The following KDM6A variants were observed in gnomAD, a reference collection of about 807,000 sequenced individuals.
KDM6A encodes lysine demethylase 6A.
Under a neutral mutation model 117.6 loss-of-function variants are expected in KDM6A, and 11 were observed. The ratio of observed to expected loss-of-function variants is 0.09; its 90% CI spans 0.06 to 0.15. The LOEUF (loss-of-function observed/expected upper bound fraction) is 0.15. Among genes scored for constraint, KDM6A ranks in the 10% least tolerant of loss-of-function variants. KDM6A has a pLI of 1.00. For missense variants in KDM6A, 799 were observed against 1,077.3 expected (o/e 0.74, Z 3.62); for synonymous variants, 384 against 396.1 (o/e 0.97, Z 0.36).
intron 5 of KDM6A, among the ~76,000 whole-genome samples, chrX:45,018,400 C>T (rs1325850084): frequency 9.0e-6 from 1 of 111,533 alleles, no homozygotes; most frequent in African/African-American, 3.3e-5. Context: ...TTATTTGGAA[C>T]ATGTGTTTTT....
intron 6 of KDM6A, among the ~76,000 whole-genome samples, chrX:45,034,211 A>T (rs778452024): frequency 1.8e-5 from 2 of 111,460 alleles, no homozygotes; most frequent in Non-Finnish European, 3.8e-5. Flanking sequence ...ATTAAATGTC[A>T]CCCAGTGTTC....
chrX:44,958,287 A>G (rs2038458398), intron 2 of KDM6A, among the ~76,000 whole-genome samples: 1 of 108,312 alleles, frequency 9.2e-6, no homozygotes, highest in South Asian at 4.2e-4. Flanking sequence ...GGTTCAAGCA[A>G]TTCTCTTGCC....
chrX:45,080,663 C>T (rs765854360), intron 21 of KDM6A, among the ~76,000 whole-genome samples: 2 of 111,769 alleles, frequency 1.8e-5, no homozygotes, highest in African/African-American at 6.5e-5. Flanking sequence ...TTCCCCCTGC[C>T]GCTCCCTATA....
intron 2 of KDM6A, among the ~76,000 whole-genome samples, chrX:44,916,584 C>G (rs1305569845): frequency 1.8e-5 from 2 of 111,171 alleles, no homozygotes; most frequent in African/African-American, 6.5e-5. Flanking sequence ...TCCCTCACTG[C>G]TATATACTTT....
At chrX:44,918,027 C>T (rs1481661390) in intron 2 of KDM6A, among the ~76,000 whole-genome samples, 2 of 111,524 alleles carry the variant, frequency 1.8e-5, no homozygotes, top group Non-Finnish European at 3.8e-5. Flanking sequence ...AATGGCTTTT[C>T]TTTGTGACTT....
At chrX:44,916,816 T>A (rs2035589329) in intron 2 of KDM6A, among the ~76,000 whole-genome samples, 1 of 108,572 alleles carries the variant, frequency 9.2e-6, no homozygotes, top group Admixed American at 9.9e-5. Context: ...TGACTAATTT[T>A]AAAATTTTTT....
At chrX:45,030,453 C>G (rs2042554466) in intron 6 of KDM6A, among the ~76,000 whole-genome samples, 1 of 108,018 alleles carries the variant, frequency 9.3e-6, no homozygotes, top group Non-Finnish European at 1.9e-5. Context: ...GTTGTAATAA[C>G]CTTGTATTAC....
intron 21 of KDM6A, among the ~76,000 whole-genome samples, chrX:45,080,388 C>G (rs769119780): frequency 2.7e-5 from 3 of 111,977 alleles, no homozygotes; most frequent in Admixed American, 1.9e-4. Flanking sequence ...CAAAAATCCT[C>G]TAGCACTATA....
chrX:45,019,563 T>G (rs1416995999), intron 5 of KDM6A, among the ~76,000 whole-genome samples: 1 of 112,193 alleles, frequency 8.9e-6, no homozygotes, highest in Admixed American at 9.5e-5. Flanking sequence ...AACTATTTTA[T>G]ACAAAAGATT....
intron 4 of KDM6A, among the ~76,000 whole-genome samples, chrX:45,008,987 G>T (rs1303768341): frequency 1.5e-4 from 17 of 111,536 alleles, no homozygotes. Context: ...AAGATACTTA[G>T]AATTCAAAGG....
At chrX:45,055,477 C>T (rs2044033029) in intron 10 of KDM6A, among the ~76,000 whole-genome samples, 1 of 111,308 alleles carries the variant, frequency 9.0e-6, no homozygotes, top group Non-Finnish European at 1.9e-5. Flanking sequence ...TAATCCCTCC[C>T]CAGGCTTATA....
chrX:44,933,697 C>G (rs780969557), intron 2 of KDM6A, among the ~76,000 whole-genome samples: 1 of 111,059 alleles, frequency 9.0e-6, no homozygotes, highest in South Asian at 3.8e-4. Context: ...CGTGCCTCAG[C>G]CTCCCAAGTA....
chrX:45,097,597 TATG>T (rs2046165478), intron 27 of KDM6A, among the ~76,000 whole-genome samples: 1 of 111,557 alleles, frequency 9.0e-6, no homozygotes, highest in African/African-American at 3.3e-5. Context: ...AATAAGGGAT[TATG>T]AACCTGTATT....
chrX:45,040,293 C>T (rs1201150903), intron 8 of KDM6A, among the ~76,000 whole-genome samples: 4 of 99,778 alleles, frequency 4.0e-5, no homozygotes, highest in Non-Finnish European at 8.2e-5. Context: ...ACCTCCCTCC[C>T]GGACGGGGCG....
chrX:45,086,021 A>G, intron 25 of KDM6A, 42 bp downstream of exon 25: 1 of 832,024 alleles, frequency 1.2e-6, no homozygotes, highest in East Asian at 3.2e-5. Flanking sequence ...TATATTAGAA[A>G]GCAGTAATTG....
chrX:44,874,051 G>A, intron 2 of KDM6A, 64 bp downstream of exon 2: 1 of 1,056,695 alleles, frequency 9.5e-7, no homozygotes, highest in Non-Finnish European at 1.3e-6. Flanking sequence ...CTCGCCCCGG[G>A]CCCCGCGGCC....
chrX:44,913,298 G>GTT (rs11449898), intron 2 of KDM6A, among the ~76,000 whole-genome samples: 1,098 of 86,364 alleles, frequency 0.013, 34 homozygotes, highest in African/African-American at 0.032. Flanking sequence ...TGTGTTAACT[G>GTT]TTTTTTTTTT....
At chrX:44,933,822 C>T (rs895581989) in intron 2 of KDM6A, among the ~76,000 whole-genome samples, 1 of 111,469 alleles carries the variant, frequency 9.0e-6, no homozygotes, top group Non-Finnish European at 1.9e-5. Flanking sequence ...AAGTGATCCG[C>T]CTACCTCTGC....
At chrX:45,071,672 TTACAC>T (rs1170395950) in intron 18 of KDM6A, among the ~76,000 whole-genome samples, 17 of 111,911 alleles carry the variant, frequency 1.5e-4, no homozygotes, top group African/African-American at 5.5e-4. Flanking sequence ...TTACTATAAA[TTACAC>T]TATAGTCATT....
Sources: allele counts gnomAD v4.1 joint callset (sites outside exome capture counted in the v4.1 genomes callset), GRCh38; gene constraint gnomAD v4.1.1; transcripts MANE v1.5; gene names NCBI Gene and HGNC (gene_info 2026-07-23, HGNC 2026-07-21).